The following NRG1 variants were observed in gnomAD, a reference collection of about 807,000 sequenced individuals.
The protein encoded by NRG1 is neuregulin 1, also known as pro-neuregulin-1, membrane-bound isoform.
NRG1 carries 18 observed loss-of-function variants against 63.8 expected under a neutral mutation model. The observed-to-expected ratio is 0.28, with a 90% CI of 0.19 to 0.42. NRG1 has a LOEUF of 0.42. Ranked by LOEUF, NRG1 falls within the 10% of genes least tolerant of loss-of-function variation. The pLI is 1.00. For missense variants in NRG1, 762 were observed against 814.7 expected, an observed-to-expected ratio of 0.94 and a Z score of 0.79; for synonymous variants, 302 against 301.3, an observed-to-expected ratio of 1.00 and a Z score of -0.02.
intron 1 of NRG1, among the ~76,000 whole-genome samples, chr8:31,997,677 T>C (rs776675971): frequency 2.9e-4 from 44 of 151,954 alleles, no homozygotes; most frequent in Non-Finnish European, 1.6e-4. Context: ...CCTTCCCACA[T>C]CATCACACTG....
chr8:32,517,287 A>G (rs1275947603), intron 1 of NRG1, among the ~76,000 whole-genome samples: 2 of 152,056 alleles, frequency 1.3e-5, no homozygotes, highest in Non-Finnish European at 2.9e-5. Context: ...GTAAAGTACT[A>G]CTTCTTTTTT....
intron 1 of NRG1, among the ~76,000 whole-genome samples, chr8:31,765,651 G>C (rs1817984904): frequency 6.6e-6 from 1 of 152,236 alleles, no homozygotes; most frequent in African/African-American, 2.4e-5. Context: ...ATATCATTCT[G>C]TGTTCCTCTG....
At chr8:32,058,700 C>G (rs1823363988) in intron 1 of NRG1, among the ~76,000 whole-genome samples, 1 of 151,680 alleles carries the variant, frequency 6.6e-6, no homozygotes, top group African/African-American at 2.4e-5. Flanking sequence ...TTATACTTGA[C>G]TCTCCTTCTT....
intron 1 of NRG1, among the ~76,000 whole-genome samples, chr8:32,205,470 C>T (rs1367562776): frequency 6.6e-6 from 1 of 152,114 alleles, no homozygotes; most frequent in African/African-American, 2.4e-5. Context: ...GATTTTTTCT[C>T]ATGAGAAATA....
At chr8:31,988,738 GCTGCATATCACAAAAGTGGAGAAATA>G (rs1232147520) in intron 1 of NRG1, among the ~76,000 whole-genome samples, 2 of 152,084 alleles carry the variant, frequency 1.3e-5, no homozygotes, top group Non-Finnish European at 2.9e-5. Flanking sequence ...CCACTGAATT[GCTGCATATCACAAAAGTGGAGAAATA>G]ATAAACACAT....
chr8:31,716,323 A>G (rs1812345163), intron 1 of NRG1, among the ~76,000 whole-genome samples: 1 of 152,202 alleles, frequency 6.6e-6, no homozygotes, highest in African/African-American at 2.4e-5. Context: ...GATGCTGACC[A>G]AGTCATGTTC....
At chr8:32,275,766 T>C (rs1186872561) in intron 1 of NRG1, among the ~76,000 whole-genome samples, 1 of 151,912 alleles carries the variant, frequency 6.6e-6, no homozygotes, top group South Asian at 2.1e-4. Flanking sequence ...TTAGAAGATC[T>C]GCGGCAGGCC....
intron 1 of NRG1, among the ~76,000 whole-genome samples, chr8:32,359,832 G>A (rs1021174966): frequency 2.0e-5 from 3 of 152,152 alleles, no homozygotes; most frequent in Non-Finnish European, 4.4e-5. Context: ...TGCCAAAACC[G>A]ACTGTGCTGA....
intron 1 of NRG1, among the ~76,000 whole-genome samples, chr8:31,743,065 C>T (rs1427875843): frequency 6.6e-6 from 1 of 151,916 alleles, no homozygotes; most frequent in African/African-American, 2.4e-5. Context: ...CAGTCCAGTC[C>T]CATCACCGTT....
intron 1 of NRG1, among the ~76,000 whole-genome samples, chr8:32,336,732 C>G (rs557310355): frequency 6.6e-6 from 1 of 152,248 alleles, no homozygotes; most frequent in South Asian, 2.1e-4. Flanking sequence ...GCTGCAGCCT[C>G]CTGAGTAGTT....
At chr8:32,063,811 TTAAC>T (rs1824286616) in intron 1 of NRG1, among the ~76,000 whole-genome samples, 1 of 152,176 alleles carries the variant, frequency 6.6e-6, no homozygotes. Flanking sequence ...CAACTCATAA[TTAAC>T]TTATATAAAG....
At chr8:32,138,717 C>G (rs1835866770) in intron 1 of NRG1, among the ~76,000 whole-genome samples, 1 of 152,058 alleles carries the variant, frequency 6.6e-6, no homozygotes, top group East Asian at 1.9e-4. Flanking sequence ...CGCCCACCAC[C>G]AAGCGCAGCT....
At chr8:32,230,962 A>G (rs1285407089) in intron 1 of NRG1, among the ~76,000 whole-genome samples, 1 of 152,122 alleles carries the variant, frequency 6.6e-6, no homozygotes, top group Non-Finnish European at 1.5e-5. Context: ...CAAATACTAG[A>G]TCTTATTCTT....
chr8:31,678,778 T>G (rs543689316), intron 1 of NRG1, among the ~76,000 whole-genome samples: 1 of 139,978 alleles, frequency 7.1e-6, no homozygotes, highest in Admixed American at 6.9e-5. Context: ...AATATTGATA[T>G]TAAATATTTA....
chr8:32,035,729 G>A (rs1818941068), intron 1 of NRG1, among the ~76,000 whole-genome samples: 1 of 152,090 alleles, frequency 6.6e-6, no homozygotes, highest in African/African-American at 2.4e-5. Flanking sequence ...TTGGTTTAAA[G>A]TCTGTTTTGT....
chr8:32,366,875 T>A (rs1808130309), intron 1 of NRG1, among the ~76,000 whole-genome samples: 1 of 151,732 alleles, frequency 6.6e-6, no homozygotes, highest in Non-Finnish European at 1.5e-5. Context: ...CATATCCGGC[T>A]AATTTTTGCA....
chr8:32,372,227 A>T (rs1808984547), intron 1 of NRG1, among the ~76,000 whole-genome samples: 1 of 151,776 alleles, frequency 6.6e-6, no homozygotes, highest in Non-Finnish European at 1.5e-5. Context: ...GGCCTCAAAC[A>T]AATCCTCTCT....
intron 5 of NRG1, among the ~76,000 whole-genome samples, chr8:32,635,399 T>A (rs1359962615): frequency 6.6e-6 from 1 of 152,222 alleles, no homozygotes; most frequent in Non-Finnish European, 1.5e-5. Context: ...AAGCAGGTCA[T>A]CCTGAGGTTT....
intron 1 of NRG1, among the ~76,000 whole-genome samples, chr8:32,138,760 G>A (rs1835873759): frequency 6.6e-6 from 1 of 151,778 alleles, no homozygotes; most frequent in Non-Finnish European, 1.5e-5. Context: ...TAGAAACAGG[G>A]TTTCACCATA....
Sources: allele counts gnomAD v4.1 joint callset (sites outside exome capture counted in the v4.1 genomes callset), GRCh38; gene constraint gnomAD v4.1.1; transcripts MANE v1.5; gene names NCBI Gene and HGNC (gene_info 2026-07-23, HGNC 2026-07-21).